Variants in UMAD1 observed in about 807,000 individuals in gnomAD.
UMAD1 encodes the protein UBAP1-MVB12-associated (UMA) domain containing 1.
UMAD1 carries 8 observed loss-of-function variants against 6.1 expected under a neutral mutation model. The observed-to-expected ratio is 1.30, with a 90% CI of 0.76 to 2.35. The LOEUF (loss-of-function observed/expected upper bound fraction) is 2.35. UMAD1 is among the 30% of genes most tolerant of loss of function. UMAD1 has a pLI of 0.00. For missense variants in UMAD1, 130 were observed against 78.4 expected (o/e 1.66, Z -2.49); for synonymous variants, 56 against 31.4 (o/e 1.78, Z -2.61).
chr7:7,738,166 TAAAG>T (rs1428356080), intron 2 of UMAD1, among the ~76,000 whole-genome samples: 2 of 152,222 alleles, frequency 1.3e-5, no homozygotes, highest in Non-Finnish European at 2.9e-5. Context: ...TTCCATTTCT[TAAAG>T]AAGTTTAGTG....
At chr7:7,781,832 A>C (rs1274016832) in intron 2 of UMAD1, among the ~76,000 whole-genome samples, 1 of 151,188 alleles carries the variant, frequency 6.6e-6, no homozygotes, top group Non-Finnish European at 1.5e-5. Context: ...GGGAGAAATT[A>C]ATATGTAGAA....
intron 3 of UMAD1, among the ~76,000 whole-genome samples, chr7:7,860,604 C>CAAAAAAAAAAA (rs373823869): frequency 9.6e-5 from 9 of 93,856 alleles, no homozygotes; most frequent in Non-Finnish European, 1.4e-4. Context: ...ACTAAAAATA[C>CAAAAAAAAAAA]AAAAAAAAAA....
intron 2 of UMAD1, among the ~76,000 whole-genome samples, chr7:7,784,756 CTTTTTTTTT>C (rs71014716): frequency 2.5e-5 from 2 of 78,538 alleles, no homozygotes; most frequent in South Asian, 5.0e-4. Flanking sequence ...GCCCTTCCTT[CTTTTTTTTT>C]TTTTTTTTTT....
chr7:7,821,857 T>C (rs1457359271), intron 3 of UMAD1, among the ~76,000 whole-genome samples: 1 of 152,132 alleles, frequency 6.6e-6, no homozygotes, highest in African/African-American at 2.4e-5. Flanking sequence ...TCTAAATTGG[T>C]TTTCAGAGAC....
chr7:7,650,731 C>G (rs1429965984), intron 1 of UMAD1, among the ~76,000 whole-genome samples: 2 of 152,234 alleles, frequency 1.3e-5, no homozygotes, highest in Non-Finnish European at 2.9e-5. Context: ...ATTCTGCATC[C>G]TGAACCCAGA....
At chr7:7,838,547 G>A (rs1259666698) in intron 3 of UMAD1, among the ~76,000 whole-genome samples, 1 of 152,066 alleles carries the variant, frequency 6.6e-6, no homozygotes, top group Non-Finnish European at 1.5e-5. Flanking sequence ...CAATAATCTG[G>A]CATTTCTTCA....
intron 1 of UMAD1, among the ~76,000 whole-genome samples, chr7:7,657,111 C>T (rs1284262530): frequency 2.0e-5 from 3 of 152,102 alleles, no homozygotes; most frequent in Admixed American, 2.0e-4. Context: ...GCATAAATGT[C>T]TTCTTTTGAG....
chr7:7,794,689 C>T (rs1374578064), intron 2 of UMAD1, among the ~76,000 whole-genome samples: 1 of 152,090 alleles, frequency 6.6e-6, no homozygotes, highest in Non-Finnish European at 1.5e-5. Context: ...GATAGCAGAC[C>T]CTGAAGGAAA....
At chr7:7,755,802 C>T (rs1004354778) in intron 2 of UMAD1, among the ~76,000 whole-genome samples, 2 of 152,116 alleles carry the variant, frequency 1.3e-5, no homozygotes, top group Non-Finnish European at 2.9e-5. Context: ...ATCCCAGTGC[C>T]ACTAGTGCAA....
At chr7:7,847,806 C>T (rs991471105) in intron 3 of UMAD1, among the ~76,000 whole-genome samples, 11 of 152,142 alleles carry the variant, frequency 7.2e-5, no homozygotes, top group African/African-American at 2.7e-4. Flanking sequence ...CTGCCTCAGC[C>T]TGTCAAAATG....
At chr7:7,673,481 TA>T in intron 2 of UMAD1, 28 bp downstream of exon 2, 2 of 730,606 alleles carry the variant, frequency 2.7e-6, no homozygotes, top group Non-Finnish European at 4.9e-6. Context: ...ACAAAATAAT[TA>T]GATGAATTAT....
intron 3 of UMAD1, among the ~76,000 whole-genome samples, chr7:7,864,602 TACACACACACACACAC>T (rs59036228): frequency 0.047 from 6,559 of 140,228 alleles, 171 homozygotes; most frequent in Non-Finnish European, 0.062. Context: ...ACATGAAAAC[TACACACACACACACAC>T]ACACACACAC....
chr7:7,726,473 C>T (rs532814918), intron 2 of UMAD1, among the ~76,000 whole-genome samples: 1 of 152,186 alleles, frequency 6.6e-6, no homozygotes, highest in Non-Finnish European at 1.5e-5. Context: ...TAGGTGACAA[C>T]ACTTTACAGG....
chr7:7,799,188 C>T (rs1227427408), intron 2 of UMAD1, among the ~76,000 whole-genome samples: 1 of 152,112 alleles, frequency 6.6e-6, no homozygotes, highest in East Asian at 1.9e-4. Context: ...AAAAAAACTT[C>T]AAAAATTGTA....
chr7:7,768,493 TTTC>T, intron 2 of UMAD1, among the ~76,000 whole-genome samples: 1 of 152,292 alleles, frequency 6.6e-6, no homozygotes, highest in South Asian at 2.1e-4. Context: ...CCTGGATCAC[TTTC>T]TTCTTCTGCC....
chr7:7,741,795 G>A (rs1781473838), intron 2 of UMAD1, among the ~76,000 whole-genome samples: 1 of 151,740 alleles, frequency 6.6e-6, no homozygotes. Flanking sequence ...AGAAAAACCT[G>A]CATTTCTTCA....
At chr7:7,669,393 T>C (rs537809373) in intron 1 of UMAD1, among the ~76,000 whole-genome samples, 9 of 152,270 alleles carry the variant, frequency 5.9e-5, no homozygotes, top group Middle Eastern at 3.4e-3. Flanking sequence ...AGAGGGGAGA[T>C]CTAAGAATGG....
At position 7,803,244 on chromosome 7, in the gene UMAD1, G is replaced by A. The variant is rs183090982; in HGVS notation, c.156+1501G>A. 1.1e-4 allele frequency among the ~76,000 whole-genome samples: 16 copies of A among 152,352 alleles called. No homozygotes were observed. In the East Asian group the frequency reaches 2.9e-3, roughly 28 times the overall value. On this transcript the variant is annotated intron_variant, in intron 3 of 3. Transcript: ENST00000682710. ...TGGTCCCTGTGCTTTGGGAGGCCAAGGAAAGAGGATTGCTTGAGGCTAGGA... is the reference window on the plus strand; with the variant it reads ...TGGTCCCTGTGCTTTGGGAGGCCAAAGAAAGAGGATTGCTTGAGGCTAGGA...
chr7:7,672,026 C>G (rs1190551292), intron 1 of UMAD1, among the ~76,000 whole-genome samples: 2 of 152,168 alleles, frequency 1.3e-5, no homozygotes, highest in Non-Finnish European at 2.9e-5. Flanking sequence ...ATATCCTTCT[C>G]TGATCTACAA....
Sources: allele counts gnomAD v4.1 joint callset (sites outside exome capture counted in the v4.1 genomes callset), GRCh38; gene constraint gnomAD v4.1.1; transcripts MANE v1.5; gene names NCBI Gene and HGNC (gene_info 2026-07-23, HGNC 2026-07-21).